XPO4: variants seen among roughly 807,000 people sequenced by gnomAD.
XPO4 encodes exportin 4.
In XPO4, 39 loss-of-function variants were observed where a neutral mutation model predicts 143.0. The observed-to-expected ratio is 0.27, with a 90% CI of 0.21 to 0.36. The LOEUF is 0.36. Among genes scored for constraint, XPO4 ranks in the 10% least tolerant of loss-of-function variants. The pLI is 1.00. For synonymous variants in XPO4, 439 were observed against 474.0 expected, an observed-to-expected ratio of 0.93 and a Z score of 0.96; for missense variants, 907 against 1,348.0, an observed-to-expected ratio of 0.67 and a Z score of 5.12.
chr13:20,852,181 T>C (rs933449106), intron 4 of XPO4: 1 of 985,452 alleles, frequency 1.0e-6, no homozygotes, highest in Non-Finnish European at 1.2e-6. Context: ...TAGTCATAAA[T>C]AGATAGATCT....
In XPO4 at chr13:20,778,821, T is replaced by C. The variant is rs2059109066; in HGVS notation, c.*4901A>G. The C allele has an allele frequency of 6.6e-6, 1 of 152,176 alleles. No individual in the cohort carries two copies. Among genetic ancestry groups the C allele is most frequent in the Non-Finnish European group, 1.5e-5 (1 of 68,032 alleles). The allele number at this position is 152,176 out of a possible 1,614,324, so 9.4% of individuals were successfully genotyped here. On this transcript the variant is annotated 3_prime_UTR_variant, in exon 23 of 23. Transcript: ENST00000255305. ...ACTAGCACCATTTCAATGCATTTCA[T>C]AAAAGAGTCTAGCTAAATACCCATG...
intron 16 of XPO4, among the ~76,000 whole-genome samples, chr13:20,797,661 A>T (rs2059375967): frequency 6.6e-6 from 1 of 152,132 alleles, no homozygotes; most frequent in South Asian, 2.1e-4. Context: ...GCCTAATTCC[A>T]TTACTGTGCC....
chr13:20,902,098 G>A (rs1042664734), intron 1 of XPO4: 1 of 985,278 alleles, frequency 1.0e-6, no homozygotes, highest in Non-Finnish European at 1.2e-6. Context: ...TTGCCCCAAT[G>A]ACCTTGGTCT....
chr13:20,829,382 A>G (rs1284618780), intron 6 of XPO4, among the ~76,000 whole-genome samples: 1 of 152,212 alleles, frequency 6.6e-6, no homozygotes, highest in Non-Finnish European at 1.5e-5. Context: ...TGATTTTGTA[A>G]TATTTCGTAT....
At chr13:20,812,770 G>A (rs1250233277) in intron 9 of XPO4, among the ~76,000 whole-genome samples, 1 of 152,132 alleles carries the variant, frequency 6.6e-6, no homozygotes, top group Non-Finnish European at 1.5e-5. Context: ...ACTATTAAGA[G>A]AGAACTGGGT....
At chr13:20,861,394 T>A (rs2060196766) in intron 3 of XPO4, among the ~76,000 whole-genome samples, 1 of 150,578 alleles carries the variant, frequency 6.6e-6, no homozygotes, top group African/African-American at 2.4e-5. Context: ...CTCCCAGGTT[T>A]GAGTAATTCT....
intron 1 of XPO4, among the ~76,000 whole-genome samples, chr13:20,871,673 A>T (rs571520636): frequency 3.9e-5 from 6 of 152,214 alleles, no homozygotes; most frequent in South Asian, 2.1e-4. Flanking sequence ...TGGATCATAC[A>T]TTCTTTCTTA....
intron 1 of XPO4, among the ~76,000 whole-genome samples, chr13:20,871,331 G>A (rs2060296098): frequency 6.6e-6 from 1 of 151,818 alleles, no homozygotes; most frequent in Non-Finnish European, 1.5e-5. Flanking sequence ...TTTTTGTTTT[G>A]TTTTTTAAAA....
intron 9 of XPO4, among the ~76,000 whole-genome samples, chr13:20,821,310 C>A (rs200957191): frequency 2.1e-4 from 30 of 142,634 alleles, no homozygotes; most frequent in African/African-American, 6.0e-4. Flanking sequence ...AAAAAATTCT[C>A]AAAAAAAAAA....
Position 20,853,686 on chromosome 13 carries a change from T to C in XPO4, c.456+1941A>G, listed in dbSNP as rs1036259992. 1.8e-4 allele frequency among the ~76,000 whole-genome samples: 28 copies of C among 152,312 alleles called. 1 individual carries two copies. Among genetic ancestry groups the C allele is most frequent in the African/African-American group, 6.0e-4 (25 of 41,584 alleles). On this transcript the variant is annotated intron_variant, in intron 4 of 22. Transcript: ENST00000255305. ...ATACTAAGATTAAGTAAAGGGGCCA[T>C]AAAATTAAATTATCGGTCTTTAGAA... is the stretch of plus-strand genomic sequence containing the variant.
At chr13:20,871,207 A>C (rs1035058167) in intron 1 of XPO4, among the ~76,000 whole-genome samples, 1 of 151,202 alleles carries the variant, frequency 6.6e-6, no homozygotes, top group East Asian at 2.0e-4. Flanking sequence ...CTGAGACGGA[A>C]TCTCACTCTG....
At chr13:20,785,901 A>AGAAGGGAG (rs57419802) in intron 22 of XPO4, among the ~76,000 whole-genome samples, 21,950 of 126,336 alleles carry the variant, frequency 0.17, 3,000 homozygotes, top group African/African-American at 0.32. Flanking sequence ...AGAAAGAAAG[A>AGAAGGGAG]GGAGGGAGGA....
intron 18 of XPO4, 105 bp from the exon 19 acceptor site, chr13:20,790,685 A>C: frequency 1.2e-6 from 1 of 840,144 alleles, no homozygotes; most frequent in Non-Finnish European, 1.9e-6. Context: ...GGCTAAATAA[A>C]TCAATGAGTG....
At chr13:20,848,378 T>G in intron 4 of XPO4, 1 of 985,428 alleles carries the variant, frequency 1.0e-6, no homozygotes, top group Non-Finnish European at 1.2e-6. Context: ...GCCCTTCATG[T>G]ACCTTGACCT....
At chr13:20,814,961 G>T (rs898313355) in intron 9 of XPO4, among the ~76,000 whole-genome samples, 6 of 152,120 alleles carry the variant, frequency 3.9e-5, no homozygotes, top group Non-Finnish European at 8.8e-5. Context: ...CAAAATAGTG[G>T]TTACTTTTAT....
At chr13:20,900,151 C>T (rs757203205) in intron 1 of XPO4, among the ~76,000 whole-genome samples, 12 of 152,176 alleles carry the variant, frequency 7.9e-5, no homozygotes, top group Non-Finnish European at 1.8e-4. Flanking sequence ...CTTTGGGAGG[C>T]CGAGGCAGGT....
chr13:20,868,322 T>C lies in XPO4; in HGVS notation c.175+274A>G, dbSNP rs551277017. 3.3e-4 allele frequency: 78 copies of C among 239,636 alleles called. 1 individual carries two copies. Among genetic ancestry groups the C allele is most frequent in the African/African-American group, 1.7e-3 (74 of 43,666 alleles). The allele number at this position is 239,636 out of a possible 1,614,324, so 14.8% of individuals were successfully genotyped here. A position where few individuals can be genotyped will look rare whatever the true frequency, so the allele number is the denominator to read the frequency against. Reference sequence around the variant, plus strand: ...AAACTGAAAAAATACTAAATTTTTCTCTTTACTATTAACAGCCTTCATGTT... The same window carrying C: ...AAACTGAAAAAATACTAAATTTTTCCCTTTACTATTAACAGCCTTCATGTT... On this transcript the variant is annotated intron_variant, in intron 2 of 22. Transcript: ENST00000255305.
At chr13:20,786,939 C>G in intron 22 of XPO4, 26 bp downstream of exon 22, 1 of 1,531,414 alleles carries the variant, frequency 6.5e-7, no homozygotes, top group Non-Finnish European at 8.8e-7. Flanking sequence ...TGAGAAGAGT[C>G]CCCTGAAAAG....
chr13:20,842,919 T>G lies in XPO4; in HGVS notation c.703A>C (p.Ser235Arg). ...TAATTTGGAGGAAGAAAGTTCCAGC[T>G]CAAGACTTGATTGGCGAGTGCAAGG... Reference protein sequence around the residue: ...RYLALANQVLSWNFLPPNLGR... With the variant: ...RYLALANQVLRWNFLPPNLGR... Residue 235 changes from serine to arginine, a missense_variant, in exon 6 of 23, where the codon AGC becomes CGC. Transcript: ENST00000255305. 6.2e-7 allele frequency: 1 copy of G among 1,611,700 alleles called. No individual in the cohort carries two copies.
Sources: gnomAD v4.1 joint callset for allele counts (sites outside exome capture counted in the v4.1 genomes callset) on GRCh38, gnomAD v4.1.1 for gene constraint, MANE v1.5 for transcripts, NCBI Gene and HGNC (gene_info 2026-07-23, HGNC 2026-07-21) for gene names.